Variants in PRKCI observed in about 807,000 individuals in gnomAD.
PRKCI encodes protein kinase C iota, also known as protein kinase C iota type.
A neutral mutation model predicts 84.0 loss-of-function variants in PRKCI; 43 were observed. The ratio of observed to expected loss-of-function variants is 0.51; its 90% CI spans 0.40 to 0.66. PRKCI has a LOEUF of 0.66. PRKCI is among the 30% of genes least tolerant of loss of function. The pLI is 0.00. For missense variants in PRKCI, 459 were observed against 745.6 expected (o/e 0.62, Z 4.48); for synonymous variants, 216 against 234.4 (o/e 0.92, Z 0.72).
At chr3:170,226,708 T>A (rs373361902) in intron 1 of PRKCI, among the ~76,000 whole-genome samples, 1 of 152,168 alleles carries the variant, frequency 6.6e-6, no homozygotes, top group Non-Finnish European at 1.5e-5. Context: ...TGGCAAGACT[T>A]GTTTTTGAAA....
chr3:170,255,055 C>CTT (rs34437904), intron 2 of PRKCI, among the ~76,000 whole-genome samples: 13 of 38,856 alleles, frequency 3.3e-4, no homozygotes, highest in East Asian at 8.7e-4. Flanking sequence ...AGATCTTTCA[C>CTT]TTTTTTTTTT....
intron 1 of PRKCI, among the ~76,000 whole-genome samples, chr3:170,232,726 T>G (rs1732834945): frequency 6.6e-6 from 1 of 151,964 alleles, no homozygotes; most frequent in Admixed American, 6.6e-5. Flanking sequence ...AAAAATTTTT[T>G]TTAGAGACAG....
intron 14 of PRKCI, among the ~76,000 whole-genome samples, chr3:170,293,898 C>G (rs536468104): frequency 2.6e-4 from 40 of 152,328 alleles, no homozygotes; most frequent in African/African-American, 9.4e-4. Context: ...CCAGGCTGGT[C>G]TTGAACTCCT....
chr3:170,270,369 AATGGTTATG>A, intron 5 of PRKCI, 43 bp from the exon 6 acceptor site: 1 of 1,486,286 alleles, frequency 6.7e-7, no homozygotes. Flanking sequence ...CTATTTGGGA[AATGGTTATG>A]ACCTTCTTGG....
intron 2 of PRKCI, among the ~76,000 whole-genome samples, chr3:170,239,293 G>A (rs78505015): frequency 2.7e-3 from 409 of 152,186 alleles, no homozygotes; most frequent in African/African-American, 9.1e-3. Flanking sequence ...TTTAAATATG[G>A]TTACTTATAA....
intron 2 of PRKCI, among the ~76,000 whole-genome samples, chr3:170,252,596 T>C (rs1733481729): frequency 6.6e-6 from 1 of 152,116 alleles, no homozygotes. Flanking sequence ...CTTTTTTACT[T>C]TTTCTAACCT....
intron 2 of PRKCI, among the ~76,000 whole-genome samples, chr3:170,255,840 G>GT (rs1266152365): frequency 1.3e-5 from 2 of 151,776 alleles, no homozygotes; most frequent in Non-Finnish European, 2.9e-5. Flanking sequence ...TCTATCCCCA[G>GT]TTTTTTTTGG....
At chr3:170,267,333 T>C (rs890549296) in intron 4 of PRKCI, among the ~76,000 whole-genome samples, 3 of 151,958 alleles carry the variant, frequency 2.0e-5, no homozygotes, top group African/African-American at 7.3e-5. Flanking sequence ...TTCTGTGGGA[T>C]TAAAAGATGT....
chr3:170,282,425 A>G (rs115710879), intron 11 of PRKCI, among the ~76,000 whole-genome samples: 4,290 of 152,248 alleles, frequency 0.028, 102 homozygotes, highest in Non-Finnish European at 0.039. Context: ...GGCTGGGCAC[A>G]GTGGCTCACA....
chr3:170,286,825 T>A (rs1031226709), intron 12 of PRKCI, among the ~76,000 whole-genome samples: 3 of 147,898 alleles, frequency 2.0e-5, no homozygotes, highest in Non-Finnish European at 4.5e-5. Context: ...TTTTTTTTTT[T>A]AAATAGAGAC....
chr3:170,235,771 T>C (rs574567775), intron 2 of PRKCI, among the ~76,000 whole-genome samples: 1 of 152,104 alleles, frequency 6.6e-6, no homozygotes, highest in South Asian at 2.1e-4. Flanking sequence ...TTCGCTATGT[T>C]GGCCAAGCTG....
chr3:170,272,550 G>A (rs528395369), intron 6 of PRKCI, among the ~76,000 whole-genome samples: 1 of 152,180 alleles, frequency 6.6e-6, no homozygotes, highest in African/African-American at 2.4e-5. Context: ...AGTATTCTTT[G>A]GTGACATATG....
At chr3:170,227,476 G>T (rs1732661549) in intron 1 of PRKCI, among the ~76,000 whole-genome samples, 1 of 152,332 alleles carries the variant, frequency 6.6e-6, no homozygotes, top group African/African-American at 2.4e-5. Flanking sequence ...TTGGGGAGGA[G>T]TTTGGGGTGA....
intron 1 of PRKCI, among the ~76,000 whole-genome samples, chr3:170,225,206 T>G (rs1176448140): frequency 6.6e-6 from 1 of 152,224 alleles, no homozygotes; most frequent in African/African-American, 2.4e-5. Flanking sequence ...CAATGAAAGC[T>G]TTCTAATGGT....
intron 6 of PRKCI, among the ~76,000 whole-genome samples, chr3:170,272,087 G>A (rs916270684): frequency 2.1e-4 from 32 of 152,032 alleles, no homozygotes; most frequent in African/African-American, 7.5e-4. Context: ...CACCTGCCTC[G>A]GTCTCCCAAA....
chr3:170,265,243 T>C (rs1319924339), intron 4 of PRKCI, among the ~76,000 whole-genome samples: 1 of 152,048 alleles, frequency 6.6e-6, no homozygotes, highest in African/African-American at 2.4e-5. Context: ...CATAAACTCT[T>C]GGACTGGGGC....
rs767045797 is a variant in PRKCI, at chr3:170,275,231, A to G, written c.649A>G (p.Ile217Val). The change falls in exon 8 of 18, where the codon ATT (isoleucine) becomes GTT (valine). Residue 217 changes from isoleucine to valine, a missense_variant and splice_region_variant. Around this residue, in one of 2 missense-constraint regions of PRKCI, gnomAD observed 250 missense variants for 319.7 expected, o/e 0.78. Transcript: ENST00000295797. ...SMHSDHAQTV[I>V]PYNPSSHESL... ...AATGTTTGGTATTGGGTTTTTAGTAATTCCATATAATCCTTCAAGTCATGA... is the reference window on the plus strand; with the variant it reads ...AATGTTTGGTATTGGGTTTTTAGTAGTTCCATATAATCCTTCAAGTCATGA... 4.9e-5 allele frequency: 76 copies of G among 1,547,412 alleles called. No homozygotes were observed. Among genetic ancestry groups the G allele is most frequent in the Non-Finnish European group, 6.5e-5 (75 of 1,156,628 alleles).
At chr3:170,268,587 C>T (rs918078007) in intron 5 of PRKCI, among the ~76,000 whole-genome samples, 3 of 150,920 alleles carry the variant, frequency 2.0e-5, no homozygotes, top group Non-Finnish European at 2.9e-5. Flanking sequence ...AACCAGAAAA[C>T]AAGCAAGGTT....
At chr3:170,248,843 TTTTTC>T (rs1733361284) in intron 2 of PRKCI, among the ~76,000 whole-genome samples, 1 of 148,278 alleles carries the variant, frequency 6.7e-6, no homozygotes, top group African/African-American at 2.5e-5. Context: ...GGCTTTTTTC[TTTTTC>T]TTTTCTTTTT....
Sources: gnomAD v4.1 joint callset for allele counts (sites outside exome capture counted in the v4.1 genomes callset) on GRCh38, gnomAD v4.1.1 for gene constraint, gnomAD v4.1.1 regional missense constraint, MANE v1.5 for transcripts, NCBI Gene and HGNC (gene_info 2026-07-23, HGNC 2026-07-21) for gene names.